PLCXD3: variants seen among roughly 807,000 people sequenced by gnomAD.
PLCXD3 encodes PI-PLC X domain-containing protein 3.
Under a neutral mutation model 25.5 loss-of-function variants are expected in PLCXD3, and 19 were observed. The ratio of observed to expected loss-of-function variants is 0.75; its 90% confidence interval spans 0.52 to 1.09. The LOEUF (loss-of-function observed/expected upper bound fraction) is 1.09. Ranked by LOEUF, PLCXD3 falls within the 50% of genes least tolerant of loss-of-function variation. The pLI is 0.00. For missense variants in PLCXD3, 411 were observed against 388.1 expected (o/e 1.06, Z -0.50); for synonymous variants, 174 against 137.6 (o/e 1.26, Z -1.85).
chr5:41,366,662 G>A (rs1343306050), intron 2 of PLCXD3, among the ~76,000 whole-genome samples: 8 of 152,056 alleles, frequency 5.3e-5, no homozygotes, highest in Non-Finnish European at 1.2e-4. Flanking sequence ...TTTTGATTCC[G>A]AACTTTTAAG....
At position 41,367,541 on chromosome 5, in the gene PLCXD3, A is replaced by G. The variant is rs143338625; in HGVS notation, c.812+14285T>C. Among the ~76,000 whole-genome samples, 1,155 of 151,922 alleles carry G rather than the reference A, an allele frequency of 7.6e-3. 11 individuals are homozygous for G. The highest frequency in any genetic ancestry group is 0.026 in the African/African-American group (1,087 of 41,436). ...GTTCCTTGTAGATACTGGATATTAG[A>G]CCTTTGTCAGAAGGATAGATTGCAA... On this transcript the variant is annotated intron_variant, in intron 2 of 2. Coordinates refer to ENST00000377801, the MANE Select transcript of PLCXD3 (RefSeq NM_001005473.3).
At chr5:41,327,098 C>T (rs1204047978) in intron 2 of PLCXD3, among the ~76,000 whole-genome samples, 1 of 152,098 alleles carries the variant, frequency 6.6e-6, no homozygotes, top group Admixed American at 6.5e-5. Flanking sequence ...TTGGTCATGC[C>T]TAGGCCCTCT....
intron 1 of PLCXD3, among the ~76,000 whole-genome samples, chr5:41,495,917 CAG>C (rs1748827100): frequency 6.6e-6 from 1 of 151,934 alleles, no homozygotes; most frequent in South Asian, 2.1e-4. Context: ...CTCAAAGAAA[CAG>C]AGATATGTGA....
intron 1 of PLCXD3, among the ~76,000 whole-genome samples, chr5:41,427,262 T>G (rs940727499): frequency 1.3e-5 from 2 of 152,138 alleles, no homozygotes; most frequent in Non-Finnish European, 2.9e-5. Context: ...ACTCTTATCC[T>G]CTAGTTTGTA....
intron 1 of PLCXD3, among the ~76,000 whole-genome samples, chr5:41,493,358 A>C (rs1219252044): frequency 6.6e-6 from 1 of 152,190 alleles, no homozygotes; most frequent in Admixed American, 6.5e-5. Flanking sequence ...GGTGCCTCCC[A>C]GTTAGGCTGC....
At chr5:41,347,286 A>T (rs1744328225) in intron 2 of PLCXD3, among the ~76,000 whole-genome samples, 1 of 152,218 alleles carries the variant, frequency 6.6e-6, no homozygotes, top group African/African-American at 2.4e-5. Flanking sequence ...CAGTAAAGTT[A>T]GAAAAAATTA....
At chr5:41,508,720 G>A (rs563628616) in intron 1 of PLCXD3, among the ~76,000 whole-genome samples, 141 of 152,344 alleles carry the variant, frequency 9.3e-4, no homozygotes, top group African/African-American at 3.3e-3. Flanking sequence ...CACAGTGATT[G>A]CCCTTCTTAC....
intron 2 of PLCXD3, among the ~76,000 whole-genome samples, chr5:41,377,100 GGATA>G (rs1745318886): frequency 6.6e-6 from 1 of 152,002 alleles, no homozygotes; most frequent in South Asian, 2.1e-4. Context: ...GTGAATAAAC[GGATA>G]GATAGAGTTT....
chr5:41,466,540 T>A lies in PLCXD3; in HGVS notation c.103+43884A>T, dbSNP rs574938400. 4.6e-5 allele frequency among the ~76,000 whole-genome samples: 7 copies of A among 152,268 alleles called. No homozygotes were observed. In the South Asian group the frequency reaches 1.4e-3, roughly 31 times the overall value. ...TATCCATCATCTCACTTAGCTATCA[T>A]TTCTACGGTGAGACATTTGAGATTT... On this transcript the variant is annotated intron_variant, in intron 1 of 2. Coordinates refer to ENST00000377801, the MANE Select transcript of PLCXD3 (RefSeq NM_001005473.3).
chr5:41,403,408 T>TTTGTTTGTTTTGTTTTA (rs773243664), intron 1 of PLCXD3, among the ~76,000 whole-genome samples: 5 of 26,226 alleles, frequency 1.9e-4, no homozygotes, highest in Non-Finnish European at 3.8e-4. Flanking sequence ...GTTGTTTTTT[T>TTTGTTTGTTTTGTTTTA]TTTTTTTTAT....
intron 1 of PLCXD3, among the ~76,000 whole-genome samples, chr5:41,507,134 G>A (rs966484367): frequency 4.6e-5 from 7 of 152,150 alleles, no homozygotes; most frequent in African/African-American, 1.7e-4. Flanking sequence ...CATGATTACA[G>A]AGTTAGAACT....
chr5:41,345,894 T>C (rs1393011321), intron 2 of PLCXD3, among the ~76,000 whole-genome samples: 1 of 152,066 alleles, frequency 6.6e-6, no homozygotes, highest in Non-Finnish European at 1.5e-5. Context: ...TATTTTTTCT[T>C]TTTGAGACGG....
intron 1 of PLCXD3, among the ~76,000 whole-genome samples, chr5:41,461,715 GT>G (rs1747877791): frequency 1.3e-5 from 2 of 151,976 alleles, no homozygotes; most frequent in African/African-American, 2.4e-5. Context: ...CTACTTGAAT[GT>G]GAGCAAATGA....
intron 1 of PLCXD3, among the ~76,000 whole-genome samples, chr5:41,406,792 G>T (rs937532469): frequency 6.6e-6 from 1 of 152,060 alleles, no homozygotes; most frequent in African/African-American, 2.4e-5. Context: ...CCCTGCCTCA[G>T]CCTCTAGAAT....
Position 41,464,988 on chromosome 5 carries a change from G to C in PLCXD3, c.103+45436C>G, listed in dbSNP as rs188533971. On this transcript the variant is annotated intron_variant, in intron 1 of 2. Transcript: ENST00000377801. ...TGTAGTGGTCATTTTCAAAATATCT[G>C]CTTCTTGTTTCATCATCCCTTGTTC... Among the ~76,000 whole-genome samples the C allele has an allele frequency of 1.8e-4, 27 of 151,892 alleles. 1 individual carries two copies. The highest frequency in any genetic ancestry group is 5.9e-5 in the Non-Finnish European group (4 of 67,958).
intron 1 of PLCXD3, among the ~76,000 whole-genome samples, chr5:41,410,721 C>G (rs953723351): frequency 1.5e-4 from 23 of 152,136 alleles, no homozygotes; most frequent in African/African-American, 5.6e-4. Flanking sequence ...AACTGAGCAT[C>G]AACAGCAGCG....
rs1332026567 is a variant in PLCXD3 at position 41,312,652 on chromosome 5, TTCCCTCCCTTCC to T, written c.*953_*964del. On this transcript the variant is annotated 3_prime_UTR_variant, in exon 3 of 3. Transcript: ENST00000377801. ...CTTCCTTCTGTCCTTCCCTCCCTTC[TTCCCTCCCTTCC>T]TCCCTCCCTTCCTTTCTTCCTTTCC... The T allele has an allele frequency of 4.8e-5, 6 of 125,952 alleles. No homozygotes were observed. Among genetic ancestry groups the T allele is most frequent in the Non-Finnish European group, 1.0e-4 (6 of 59,192 alleles). 7.8% of individuals were successfully genotyped at this position (125,952 alleles called of 1,614,324 possible). A position where few individuals can be genotyped will look rare whatever the true frequency, so the allele number is the denominator to read the frequency against.
chr5:41,502,550 C>G (rs1046349120), intron 1 of PLCXD3, among the ~76,000 whole-genome samples: 1 of 151,988 alleles, frequency 6.6e-6, no homozygotes, highest in Non-Finnish European at 1.5e-5. Flanking sequence ...ATTTGAGAAT[C>G]AAGAAGAGGT....
At chr5:41,505,775 C>T (rs1290262519) in intron 1 of PLCXD3, among the ~76,000 whole-genome samples, 1 of 152,172 alleles carries the variant, frequency 6.6e-6, no homozygotes, top group East Asian at 1.9e-4. Flanking sequence ...GCAATTAAGT[C>T]ACATTTATTG....
Sources: gnomAD v4.1 joint callset for allele counts (sites outside exome capture counted in the v4.1 genomes callset) on GRCh38, gnomAD v4.1.1 for gene constraint, MANE v1.5 for transcripts, NCBI Gene and HGNC (gene_info 2026-07-23, HGNC 2026-07-21) for gene names.